Variants in WDPCP observed in about 807,000 individuals in gnomAD.
WDPCP encodes the protein WD repeat-containing and planar cell polarity effector protein fritz homolog.
A neutral mutation model predicts 93.1 loss-of-function variants in WDPCP; 71 were observed. The observed-to-expected ratio is 0.76, with a 90% CI of 0.63 to 0.93. WDPCP has a LOEUF of 0.93. Among genes scored for constraint, WDPCP ranks in the 40% least tolerant of loss-of-function variants. WDPCP has a pLI of 0.00. For missense variants in WDPCP, 844 were observed against 887.4 expected, an observed-to-expected ratio of 0.95 and a Z score of 0.62; for synonymous variants, 315 against 315.0, an observed-to-expected ratio of 1.00 and a Z score of 0.00.
At chr2:63,321,039 A>T (rs1231389679) in intron 12 of WDPCP, among the ~76,000 whole-genome samples, 1 of 152,114 alleles carries the variant, frequency 6.6e-6, no homozygotes, top group Non-Finnish European at 1.5e-5. Context: ...AATATACTTT[A>T]AAAAACAGTA....
At chr2:63,708,865 C>T (rs560845237) in intron 2 of WDPCP, among the ~76,000 whole-genome samples, 1 of 151,800 alleles carries the variant, frequency 6.6e-6, no homozygotes, top group Admixed American at 6.5e-5. Flanking sequence ...CCACCTCAGC[C>T]TCCCAAAGTG....
At chr2:63,403,992 T>C in intron 10 of WDPCP, 56 bp downstream of exon 10, 3 of 1,607,122 alleles carry the variant, frequency 1.9e-6, no homozygotes, top group Non-Finnish European at 2.6e-6. Flanking sequence ...ATTGCCTTAA[T>C]TATGTCACTA....
At position 63,378,503 on chromosome 2, in the gene WDPCP, A is replaced by T. The variant is rs1201712340; in HGVS notation, c.1631T>A (p.Leu544His). ...QKLTPEREAQ[L>H]ETSLGTFYAP... ...ATAGAAGGTTCCAAGGCTTGTCTCA[A>T]GCTGTGCTGTGGAATTCAAACATAG... Residue 544 changes from leucine to histidine, a missense_variant, in exon 12 of 18, where the codon CTT (leucine) becomes CAT (histidine). By Grantham distance (99) the Leu-to-His change is moderately conservative. Transcript: ENST00000272321. The T allele has an allele frequency of 6.2e-7, 1 of 1,613,140 alleles. No homozygotes were observed. The highest frequency in any genetic ancestry group is 1.7e-5 in the Admixed American group (1 of 59,932).
At chr2:63,217,984 G>C (rs1677495762) in intron 14 of WDPCP, among the ~76,000 whole-genome samples, 1 of 152,124 alleles carries the variant, frequency 6.6e-6, no homozygotes, top group African/African-American at 2.4e-5. Flanking sequence ...ATATCCTTCA[G>C]AAATGAAAAA....
chr2:63,280,804 TCTTA>T (rs1683478434), intron 13 of WDPCP, among the ~76,000 whole-genome samples: 2 of 152,188 alleles, frequency 1.3e-5, no homozygotes, highest in African/African-American at 4.8e-5. Context: ...GATTATCATC[TCTTA>T]CTTTATACAA....
chr2:63,817,012 G>C (rs896225938), intron 1 of WDPCP, among the ~76,000 whole-genome samples: 7 of 152,158 alleles, frequency 4.6e-5, no homozygotes, highest in Non-Finnish European at 1.0e-4. Flanking sequence ...AGCAATTTCT[G>C]GGGCAATGGA....
chr2:63,513,252 A>G (rs1702349703), intron 1 of WDPCP, among the ~76,000 whole-genome samples: 1 of 152,228 alleles, frequency 6.6e-6, no homozygotes, highest in African/African-American at 2.4e-5. Context: ...ATAGTATGCT[A>G]CATGATTATA....
At position 63,659,208 on chromosome 2, in the gene WDPCP, C is replaced by T. The variant is rs547768947; in HGVS notation, n.309-8370G>A. Among the ~76,000 whole-genome samples the T allele has an allele frequency of 1.5e-4, 23 of 152,234 alleles. 1 individual carries two copies. In the South Asian group the frequency reaches 4.8e-3, roughly 32 times the overall value. On this transcript the variant is annotated intron_variant and non_coding_transcript_variant, in intron 2 of 4. Coordinates refer to the WDPCP transcript ENST00000467687. ...CTCTTCTGTCAAAATAAGACTAGGT[C>T]TAACCACGTTTAACTGGAAGTTTCA...
intron 2 of WDPCP, among the ~76,000 whole-genome samples, chr2:63,670,816 A>G (rs944773293): frequency 6.6e-6 from 1 of 152,174 alleles, no homozygotes; most frequent in Admixed American, 6.5e-5. Context: ...TAACAAGGGT[A>G]GCAATCTCTT....
chr2:63,144,281 T>C (rs1181995047), intron 17 of WDPCP, among the ~76,000 whole-genome samples: 1 of 151,880 alleles, frequency 6.6e-6, no homozygotes, highest in Non-Finnish European at 1.5e-5. Flanking sequence ...TTTATTTTAT[T>C]TTATTTTATT....
At chr2:63,476,651 A>G (rs1202635836) in intron 6 of WDPCP, among the ~76,000 whole-genome samples, 7 of 152,184 alleles carry the variant, frequency 4.6e-5, no homozygotes, top group Non-Finnish European at 8.8e-5. Flanking sequence ...TGACTCCCAC[A>G]GTTCTTCCCA....
At chr2:63,239,970 G>A (rs927864555) in intron 14 of WDPCP, among the ~76,000 whole-genome samples, 2 of 152,008 alleles carry the variant, frequency 1.3e-5, no homozygotes, top group East Asian at 1.9e-4. Flanking sequence ...GTTATATGTT[G>A]GCTAGAATTT....
chr2:63,544,391 T>C (rs1227789658), intron 1 of WDPCP, among the ~76,000 whole-genome samples: 1 of 152,182 alleles, frequency 6.6e-6, no homozygotes, highest in African/African-American at 2.4e-5. Flanking sequence ...TTATAAACTA[T>C]TAAGTTTGGG....
Position 63,439,796 on chromosome 2 carries a change from T to C in WDPCP, c.460A>G (p.Ser154Gly). ...PQLEKVVIDR[S>G]LVGKLISDTI... is the part of the protein sequence containing the mutation. Reference sequence around the variant, plus strand: ...TCTGAGATGAGCTTCCCCACCAGGCTTCTGTCAATCACCACTTTCTCCAGC... The same window carrying C: ...TCTGAGATGAGCTTCCCCACCAGGCCTCTGTCAATCACCACTTTCTCCAGC... Residue 154 changes from serine (S) to glycine (G), a missense_variant, in exon 7 of 18, where the codon AGC becomes GGC. Transcript: ENST00000272321. 1 of 1,613,248 alleles carries C rather than the reference T, an allele frequency of 6.2e-7. No homozygotes were observed. Among genetic ancestry groups the C allele is most frequent in the Non-Finnish European group, 8.5e-7 (1 of 1,179,404 alleles).
intron 6 of WDPCP, among the ~76,000 whole-genome samples, chr2:63,450,703 C>T (rs187652395): frequency 1.9e-4 from 29 of 152,268 alleles, no homozygotes; most frequent in African/African-American, 6.0e-4. Flanking sequence ...TAACCACACC[C>T]TAAACCACTG....
chr2:63,210,834 A>G (rs1281999457), intron 14 of WDPCP, among the ~76,000 whole-genome samples: 1 of 152,256 alleles, frequency 6.6e-6, no homozygotes, highest in Non-Finnish European at 1.5e-5. Flanking sequence ...GGCAGGTCCC[A>G]TGCCCACGGA....
intron 1 of WDPCP, among the ~76,000 whole-genome samples, chr2:63,560,970 T>C (rs1372410151): frequency 6.6e-6 from 1 of 152,086 alleles, no homozygotes; most frequent in Non-Finnish European, 1.5e-5. Context: ...ACCCTAGAAC[T>C]TAAAGTATAA....
chr2:63,154,981 T>A (rs1389339247), intron 15 of WDPCP, among the ~76,000 whole-genome samples: 1 of 152,190 alleles, frequency 6.6e-6, no homozygotes, highest in Non-Finnish European at 1.5e-5. Context: ...ACCACTGTAG[T>A]TGGGCTATTT....
At chr2:63,132,113 AG>A (rs934067844) in intron 17 of WDPCP, among the ~76,000 whole-genome samples, 2 of 151,966 alleles carry the variant, frequency 1.3e-5, no homozygotes, top group Non-Finnish European at 2.9e-5. Context: ...TAGGATTACA[AG>A]TGTGAGCCAT....
Sources: allele counts gnomAD v4.1 joint callset (sites outside exome capture counted in the v4.1 genomes callset), GRCh38; gene constraint gnomAD v4.1.1; transcripts MANE v1.5; gene names NCBI Gene and HGNC (gene_info 2026-07-23, HGNC 2026-07-21).